Variants in BCR observed in about 807,000 individuals in gnomAD.
BCR encodes breakpoint cluster region protein.
In BCR, 58 loss-of-function variants were observed where a neutral mutation model predicts 138.6. That is an observed-to-expected ratio of 0.42 (90% CI 0.34 to 0.52). The LOEUF is 0.52. BCR is among the 20% of genes least tolerant of loss of function. The pLI is 0.06. For missense variants in BCR, 1,599 were observed against 1,727.2 expected (o/e 0.93, Z 1.32); for synonymous variants, 786 against 730.1 (o/e 1.08, Z -1.23).
At chr22:23,267,759 T>A (rs1285988911) in intron 4 of BCR, among the ~76,000 whole-genome samples, 1 of 152,228 alleles carries the variant, frequency 6.6e-6, no homozygotes, top group Non-Finnish European at 1.5e-5. Context: ...GTGTCTGAGC[T>A]GGAGGTGCAG....
At chr22:23,299,890 G>C (rs964563732) in intron 16 of BCR, among the ~76,000 whole-genome samples, 1 of 152,102 alleles carries the variant, frequency 6.6e-6, no homozygotes, top group African/African-American at 2.4e-5. Context: ...AGTGGTGGTC[G>C]GGGCCTTCAT....
intron 4 of BCR, chr22:23,262,834 A>G (rs756003682): frequency 5.9e-6 from 6 of 1,024,070 alleles, no homozygotes; most frequent in Non-Finnish European, 7.0e-6. Flanking sequence ...CGGAAGAGGA[A>G]GCAGGGCGGA....
chr22:23,201,435 T>C (rs1390350576), intron 1 of BCR, among the ~76,000 whole-genome samples: 2 of 150,948 alleles, frequency 1.3e-5, no homozygotes, highest in African/African-American at 2.5e-5. Flanking sequence ...TGTTTGCTTT[T>C]CTCTTCTCAG....
chr22:23,228,725 C>T (rs962033293), intron 1 of BCR, among the ~76,000 whole-genome samples: 1 of 152,182 alleles, frequency 6.6e-6, no homozygotes, highest in Non-Finnish European at 1.5e-5. Flanking sequence ...TCTACAGTTA[C>T]GTGAATCCTT....
rs1033123677 is a variant in BCR, at chr22:23,278,728, C to T, written c.2115+4954C>T. Reference sequence around the variant, plus strand: ...CAGCCTGGGCAACAGAGTGAAATTCCGTCTCAAAAAAAAAGAGTTGGAAAA... The same window carrying T: ...CAGCCTGGGCAACAGAGTGAAATTCTGTCTCAAAAAAAAAGAGTTGGAAAA... On this transcript the variant is annotated intron_variant, in intron 8 of 22. Coordinates refer to ENST00000305877, the MANE Select transcript of BCR (RefSeq NM_004327.4). 1.1e-4 allele frequency among the ~76,000 whole-genome samples: 17 copies of T among 151,992 alleles called. No individual in the cohort carries two copies. The East Asian group carries it at 3.1e-3, about 28-fold the overall frequency.
intron 8 of BCR, chr22:23,283,702 A>C: frequency 5.4e-6 from 2 of 369,646 alleles, no homozygotes; most frequent in Non-Finnish European, 9.7e-6. Flanking sequence ...CCTCTCCCCC[A>C]TCCTCCCACC....
intron 4 of BCR, 141 bp from the exon 5 acceptor site, chr22:23,268,267 C>G: frequency 1.6e-6 from 1 of 615,946 alleles, no homozygotes; most frequent in Non-Finnish European, 2.7e-6. Flanking sequence ...GGGAGCAGCA[C>G]GGAAGCGCCG....
rs543495621 is a variant in BCR at position 23,300,288 on chromosome 22, G to A, written c.3012+5133G>A. Among the ~76,000 whole-genome samples the A allele has an allele frequency of 3.8e-4, 58 of 152,294 alleles. 1 individual carries two copies. The South Asian group carries it at 0.011, about 29-fold the overall frequency. ...GATTTGCCTACTCTAGCTACCTCAT[G>A]TAAGTGGAATCATACAGCATTTGTC... On this transcript the variant is annotated intron_variant, in intron 16 of 22. Transcript: ENST00000305877.
intron 8 of BCR, among the ~76,000 whole-genome samples, chr22:23,278,076 A>C (rs937283865): frequency 2.6e-5 from 4 of 152,210 alleles, no homozygotes; most frequent in Non-Finnish European, 5.9e-5. Context: ...AATTAACTTC[A>C]CAGTTAGATA....
At position 23,313,949 on chromosome 22, in the gene BCR, A is replaced by G. The variant is rs1318927084; in HGVS notation, c.3458-19A>G. The G allele has an allele frequency of 6.2e-7, 1 of 1,606,378 alleles. No homozygotes were observed. Reference sequence around the variant, plus strand: ...CTGGCTCGTTGTGACCCCAAGGAGTAACCCACCGCCTTCTGCAGCTCTTTC... The same window carrying G: ...CTGGCTCGTTGTGACCCCAAGGAGTGACCCACCGCCTTCTGCAGCTCTTTC... On this transcript the variant is annotated intron_variant, in intron 20 of 22. Transcript: ENST00000305877.
chr22:23,293,070 G>T (rs1414537778), intron 15 of BCR, among the ~76,000 whole-genome samples: 4 of 152,064 alleles, frequency 2.6e-5, no homozygotes, highest in African/African-American at 9.7e-5. Flanking sequence ...GTCTCGGGGT[G>T]TTGGGTTTGT....
chr22:23,284,823 C>A (rs1486878026), intron 9 of BCR, among the ~76,000 whole-genome samples: 1 of 152,198 alleles, frequency 6.6e-6, no homozygotes, highest in Non-Finnish European at 1.5e-5. Flanking sequence ...TGCCTGGGGC[C>A]TGCGGTCACA....
intron 4 of BCR, among the ~76,000 whole-genome samples, 192 bp from the exon 5 acceptor site, chr22:23,268,209 TTGGGAGC>T (rs1233988449): frequency 1.3e-4 from 20 of 152,172 alleles, no homozygotes; most frequent in African/African-American, 4.8e-4. Flanking sequence ...GCATGTCATT[TTGGGAGC>T]GGGAAGTGTG....
intron 20 of BCR, 38 bp from the exon 21 acceptor site, chr22:23,313,930 C>G (rs200912460): frequency 1.3e-6 from 2 of 1,552,154 alleles, no homozygotes; most frequent in Non-Finnish European, 8.9e-7. Context: ...GTCTCTGGCT[C>G]GTTGTGACCC....
In BCR at chr22:23,292,605, C is replaced by G; in HGVS notation, c.2847C>G (p.Val949=). The change falls in exon 15 of 23, where the codon GTC becomes GTG. Residue 949 remains valine, a synonymous_variant. Transcript: ENST00000305877. ...GYFVNKAKTR[V]YRDTAEPNWN... is the part of the protein sequence containing the mutation. ...TTGTGAATAAAGCAAAGACGCGCGTCTACAGGGACACAGCTGAGCCAAACT... is the reference window on the plus strand; with the variant it reads ...TTGTGAATAAAGCAAAGACGCGCGTGTACAGGGACACAGCTGAGCCAAACT... 1 of 1,613,368 alleles carries G rather than the reference C, an allele frequency of 6.2e-7. No homozygotes were observed. Among genetic ancestry groups the G allele is most frequent in the South Asian group, 1.1e-5 (1 of 91,030 alleles).
chr22:23,233,633 T>G (rs562303499), intron 1 of BCR, among the ~76,000 whole-genome samples: 3 of 151,576 alleles, frequency 2.0e-5, no homozygotes, highest in Admixed American at 2.0e-4. Context: ...GCTAAAAATA[T>G]AAAAATTAGC....
intron 1 of BCR, among the ~76,000 whole-genome samples, chr22:23,233,789 CAA>C (rs59819093): frequency 1.9e-4 from 13 of 70,016 alleles, no homozygotes; most frequent in Non-Finnish European, 2.4e-4. Context: ...GACCCTGTCT[CAA>C]AAAAAAAAAA....
chr22:23,269,548 C>T (rs2073485175), intron 5 of BCR, among the ~76,000 whole-genome samples: 1 of 152,176 alleles, frequency 6.6e-6, no homozygotes, highest in African/African-American at 2.4e-5. Flanking sequence ...TGGAGCATCA[C>T]GGGCTTCGCT....
chr22:23,310,628 G>T (rs141136104), intron 18 of BCR, among the ~76,000 whole-genome samples, 195 bp downstream of exon 18: 1,967 of 151,462 alleles, frequency 0.013, 29 homozygotes, highest in African/African-American at 0.043. Flanking sequence ...CTTGCCACCT[G>T]GCTTGGAAGC....
Sources: gnomAD v4.1 joint callset for allele counts (sites outside exome capture counted in the v4.1 genomes callset) on GRCh38, gnomAD v4.1.1 for gene constraint, MANE v1.5 for transcripts, NCBI Gene and HGNC (gene_info 2026-07-23, HGNC 2026-07-21) for gene names.